The following MCF2L2 variants were observed in gnomAD, a reference collection of about 807,000 sequenced individuals.
MCF2L2 encodes probable guanine nucleotide exchange factor MCF2L2.
Under a neutral mutation model 150.2 loss-of-function variants are expected in MCF2L2, and 102 were observed. That is an observed-to-expected ratio of 0.68 (90% CI 0.58 to 0.80). MCF2L2 has a LOEUF of 0.80. MCF2L2 is among the 30% of genes least tolerant of loss of function. The pLI is 0.00. For synonymous variants in MCF2L2, 465 were observed against 491.3 expected (o/e 0.95, Z 0.71); for missense variants, 1,256 against 1,372.8 (o/e 0.91, Z 1.34).
intron 3 of MCF2L2, among the ~76,000 whole-genome samples, chr3:183,356,698 T>C (rs1711807165): frequency 6.6e-6 from 1 of 152,100 alleles, no homozygotes; most frequent in Admixed American, 6.6e-5. Context: ...GTCAGATAAT[T>C]ATATTTACAA....
At chr3:183,407,719 C>T (rs547195766) in intron 1 of MCF2L2, among the ~76,000 whole-genome samples, 15 of 152,276 alleles carry the variant, frequency 9.9e-5, no homozygotes, top group Admixed American at 5.9e-4. Flanking sequence ...CTCATTTCTG[C>T]AGAATATGTC....
At chr3:183,254,151 C>G (rs956826853) in intron 15 of MCF2L2, 1 of 151,794 alleles carries the variant, frequency 6.6e-6, no homozygotes, top group Non-Finnish European at 1.5e-5. Flanking sequence ...CACTCCGGGC[C>G]GAGCGAGGTC....
chr3:183,295,392 G>T lies in MCF2L2; in HGVS notation c.1583C>A (p.Ala528Asp). 6.2e-7 allele frequency: 1 copy of T among 1,614,000 alleles called. No individual in the cohort carries two copies. The highest frequency in any genetic ancestry group is 1.3e-5 in the African/African-American group (1 of 75,030). The change falls in exon 13 of 30, where the codon GCC becomes GAC. Residue 528 changes from alanine to aspartate, a missense_variant. By Grantham distance (126) the Ala-to-Asp change is moderately radical (BLOSUM62 -2). Coordinates refer to ENST00000328913, the MANE Select transcript of MCF2L2 (RefSeq NM_015078.4). The part of the protein sequence containing the change: ...KRQVSLMKLA[A>D]KQTRPVQPVA... ...AGGTTGCACTGGACGAGTCTGTTTG[G>T]CTGCCAGTTTCATCAGACTCACTTG... is the stretch of plus-strand genomic sequence containing the variant.
intron 3 of MCF2L2, 40 bp downstream of exon 3, chr3:183,379,257 A>C (rs1713374067): frequency 1.4e-6 from 2 of 1,469,364 alleles, no homozygotes; most frequent in Non-Finnish European, 1.9e-6. Flanking sequence ...TGTGGAATAA[A>C]GCCAGTGCCT....
intron 1 of MCF2L2, chr3:183,400,379 G>A (rs1372117182): frequency 2.2e-6 from 1 of 455,958 alleles, no homozygotes; most frequent in South Asian, 1.6e-5. Flanking sequence ...CCAGCCTGAT[G>A]CAACTTCCTA....
chr3:183,312,262 A>G (rs1027625407), intron 7 of MCF2L2, among the ~76,000 whole-genome samples: 1 of 152,176 alleles, frequency 6.6e-6, no homozygotes, highest in East Asian at 1.9e-4. Context: ...GCCTTGTTTA[A>G]TTATTTAAGT....
intron 14 of MCF2L2, among the ~76,000 whole-genome samples, chr3:183,282,399 C>T (rs572747855): frequency 6.6e-5 from 10 of 152,180 alleles, no homozygotes; most frequent in African/African-American, 1.2e-4. Flanking sequence ...AGGATGGTCT[C>T]GATCTCCTGA....
intron 3 of MCF2L2, among the ~76,000 whole-genome samples, chr3:183,365,898 AT>A (rs906423183): frequency 1.3e-5 from 2 of 152,186 alleles, no homozygotes; most frequent in African/African-American, 2.4e-5. Flanking sequence ...CTTTAAAAAA[AT>A]GAGAGAAAAA....
chr3:183,419,348 T>C (rs1318656103), intron 1 of MCF2L2, among the ~76,000 whole-genome samples: 1 of 152,212 alleles, frequency 6.6e-6, no homozygotes, highest in Non-Finnish European at 1.5e-5. Flanking sequence ...CCTGGAGACA[T>C]TTTCCCCATT....
In MCF2L2 at chr3:183,180,187, C is replaced by G. The variant is rs750879328; in HGVS notation, c.3017-28G>C. The G allele has an allele frequency of 4.0e-5, 59 of 1,480,616 alleles. No homozygotes were observed. In the South Asian group the frequency reaches 5.5e-4, roughly 14 times the overall value. The allele number at this position is 1,480,616 out of a possible 1,614,324, so 91.7% of individuals were successfully genotyped here. A position where few individuals can be genotyped will look rare whatever the true frequency, so the allele number is the denominator to read the frequency against. On this transcript the variant is annotated intron_variant, in intron 27 of 29. Transcript: ENST00000328913. Reference sequence around the variant, plus strand: ...TAGGGAGAGAAAGGGAAGGATGGGGCCTCTGTGGGGTGGGAGGACATCCCC... The same window carrying G: ...TAGGGAGAGAAAGGGAAGGATGGGGGCTCTGTGGGGTGGGAGGACATCCCC...
At chr3:183,389,638 C>G in intron 2 of MCF2L2, 58 bp downstream of exon 2, 1 of 1,419,936 alleles carries the variant, frequency 7.0e-7, no homozygotes, top group South Asian at 1.1e-5. Flanking sequence ...AGAGGCTGGA[C>G]CTTCCCATCA....
intron 1 of MCF2L2, among the ~76,000 whole-genome samples, chr3:183,403,162 C>T (rs1295314889): frequency 6.6e-6 from 1 of 151,982 alleles, no homozygotes; most frequent in African/African-American, 2.4e-5. Flanking sequence ...ATCCCAGATA[C>T]TCAGGAGGCT....
chr3:183,295,543 T>C (rs1728452203), intron 12 of MCF2L2, 66 bp from the exon 13 acceptor site: 3 of 1,498,550 alleles, frequency 2.0e-6, no homozygotes, highest in East Asian at 2.3e-5. Flanking sequence ...ACACGAAGCA[T>C]TCCCTTTCTC....
At chr3:183,223,324 A>C (rs529689457) in intron 20 of MCF2L2, 22 bp downstream of exon 20, 1 of 1,581,166 alleles carries the variant, frequency 6.3e-7, no homozygotes, top group East Asian at 2.2e-5. Context: ...ACCAAGGAAA[A>C]GCACTGTCTC....
intron 15 of MCF2L2, among the ~76,000 whole-genome samples, chr3:183,257,614 C>T (rs1035623696): frequency 9.9e-5 from 15 of 152,154 alleles, no homozygotes; most frequent in Admixed American, 7.2e-4. Flanking sequence ...TTGTTTTACA[C>T]CATCTTCTAC....
chr3:183,346,854 T>C (rs1028067927), intron 3 of MCF2L2, among the ~76,000 whole-genome samples: 1 of 152,156 alleles, frequency 6.6e-6, no homozygotes, highest in South Asian at 2.1e-4. Flanking sequence ...TTACAAGGGA[T>C]GTGAAGGACT....
chr3:183,362,229 T>C (rs1163956166), intron 3 of MCF2L2, among the ~76,000 whole-genome samples: 2 of 152,012 alleles, frequency 1.3e-5, no homozygotes, highest in Non-Finnish European at 2.9e-5. Flanking sequence ...CTCAGCCTCC[T>C]GAGCAGCTGG....
intron 15 of MCF2L2, among the ~76,000 whole-genome samples, chr3:183,244,910 A>G (rs573729535): frequency 1.2e-4 from 19 of 152,174 alleles, no homozygotes; most frequent in Non-Finnish European, 2.4e-4. Flanking sequence ...TATTAAATAA[A>G]ACACAAATTA....
chr3:183,386,564 G>A (rs1713843994), intron 2 of MCF2L2, among the ~76,000 whole-genome samples: 2 of 152,218 alleles, frequency 1.3e-5, no homozygotes, highest in Non-Finnish European at 2.9e-5. Flanking sequence ...CTCCTTCACA[G>A]CCTTCCCGGT....
Sources: gnomAD v4.1 joint callset for allele counts (sites outside exome capture counted in the v4.1 genomes callset) on GRCh38, gnomAD v4.1.1 for gene constraint, MANE v1.5 for transcripts, NCBI Gene and HGNC (gene_info 2026-07-23, HGNC 2026-07-21) for gene names.